ZNF287: variants seen among roughly 807,000 people sequenced by gnomAD.
The protein encoded by ZNF287 is zinc finger protein with KRAB and SCAN domains 13.
Under a neutral mutation model 73.7 loss-of-function variants are expected in ZNF287, and 31 were observed. The observed-to-expected ratio is 0.42, with a 90% CI of 0.32 to 0.57. ZNF287 has a LOEUF of 0.57. Ranked by LOEUF, ZNF287 falls within the 20% of genes least tolerant of loss-of-function variation. The pLI, the probability that ZNF287 is intolerant of heterozygous loss-of-function variation, is 0.13. For missense variants in ZNF287, 641 were observed against 909.3 expected (o/e 0.70, Z 3.79); for synonymous variants, 301 against 307.2 (o/e 0.98, Z 0.21).
At position 16,567,396 on chromosome 17, in the gene ZNF287, C is replaced by T. The variant is rs1907812565; in HGVS notation, c.336G>A (p.Gln112=). Residue 112 remains glutamine, a synonymous_variant, in exon 2 of 6, where the codon CAG becomes CAA. Transcript: ENST00000395825. ...CTGCTTCCTCGCTGCTCTCTGGATA[C>T]TGGGACTTTACCCAAGTCCTAACCT... The part of the protein sequence containing the change: ...PGEVRTWVKS[Q]YPESSEEAVT... 3 of 1,614,202 alleles carry T rather than the reference C, an allele frequency of 1.9e-6. No individual in the cohort carries two copies. Among genetic ancestry groups the T allele is most frequent in the Non-Finnish European group, 2.5e-6 (3 of 1,180,032 alleles).
intron 5 of ZNF287, 71 bp from the exon 6 acceptor site, chr17:16,553,497 G>T: frequency 2.5e-6 from 3 of 1,198,818 alleles, no homozygotes; most frequent in Non-Finnish European, 3.3e-6. Flanking sequence ...AGAAACAAAA[G>T]AATAAACATA....
Position 16,552,556 on chromosome 17 carries a change from A to G in ZNF287, c.1586T>C (p.Ile529Thr), listed in dbSNP as rs746480768. 6.2e-7 allele frequency: 1 copy of G among 1,614,068 alleles called. No individual in the cohort carries two copies. Among genetic ancestry groups the G allele is most frequent in the Non-Finnish European group, 8.5e-7 (1 of 1,179,982 alleles). The change falls in exon 6 of 6, where the codon ATA becomes ACA. Residue 529 changes from isoleucine (I) to threonine (T), a missense_variant. Physicochemically the swap from Ile to Thr is moderately conservative, Grantham distance 89. This residue lies in a region of ZNF287 where 284 missense variants were observed against 466.8 expected (regional missense o/e 0.61). Transcript: ENST00000395825. This position sits in a 1 kb window ranked among gnomAD's most constrained non-coding sequence, Gnocchi z 6.5. Reference protein sequence around the residue: ...QSTHLLQHQKIHTGKKPYKCN... With the variant: ...QSTHLLQHQKTHTGKKPYKCN... The stretch of plus-strand genomic sequence containing the variant: ...TTTATATGGTTTCTTCCCAGTATGT[A>G]TTTTTTGATGCTGAAGAAGGTGTGT...
chr17:16,564,775 CT>C (rs1183713211), intron 3 of ZNF287, among the ~76,000 whole-genome samples: 2 of 151,980 alleles, frequency 1.3e-5, no homozygotes, highest in Non-Finnish European at 2.9e-5. Flanking sequence ...TTACATGTTT[CT>C]TTTTTCTCTT....
rs1906683515 is a variant in ZNF287, at chr17:16,551,850, T to C, written c.*6A>G. On this transcript the variant is annotated 3_prime_UTR_variant, in exon 6 of 6. Transcript: ENST00000395825. ...TGTAAAACCGAATTGAAGTTTCCCT[T>C]ATCCATTAATTACGATGTTTGGCAC... The C allele has an allele frequency of 6.4e-6, 10 of 1,565,244 alleles. 1 individual carries two copies. In the South Asian group the frequency reaches 1.1e-4, roughly 17 times the overall value.
rs1030281108 is a variant in ZNF287 at position 16,548,140 on chromosome 17, G to A, written c.*3716C>T. On this transcript the variant is annotated 3_prime_UTR_variant, in exon 6 of 6. Transcript: ENST00000395825. The stretch of plus-strand genomic sequence containing the variant: ...ACAATGGATTCAGGCAACGATCACC[G>A]TTGGTTACTTTTTACCAGGTAAAAA... Among the ~76,000 whole-genome samples the A allele has an allele frequency of 2.0e-5, 3 of 152,160 alleles. No homozygotes were observed. The highest frequency in any genetic ancestry group is 2.9e-5 in the Non-Finnish European group (2 of 68,030).
chr17:16,566,604 A>G lies in ZNF287; in HGVS notation c.422T>C (p.Leu141Pro), dbSNP rs1907756422. ...LEEEAPQNSTLSQDTPEEDPR... is the reference protein window; with the variant it reads ...LEEEAPQNSTPSQDTPEEDPR... The stretch of plus-strand genomic sequence containing the variant: ...GTCTTCCTCTGGGGTATCTTGGGAA[A>G]GGGTAGAGTTTTGAGGAGCTAGAGA... The change falls in exon 3 of 6, where the codon CTT becomes CCT. Residue 141 changes from leucine to proline, a missense_variant. By Grantham distance (98) the Leu-to-Pro change is moderately conservative. This residue lies in a region of ZNF287 where 357 missense variants were observed against 442.4 expected (regional missense o/e 0.81). Coordinates refer to ENST00000395825, the MANE Select transcript of ZNF287 (RefSeq NM_020653.4). 6.2e-7 allele frequency: 1 copy of G among 1,612,560 alleles called. No homozygotes were observed. The highest frequency in any genetic ancestry group is 1.3e-5 in the African/African-American group (1 of 74,868).
chr17:16,565,573 C>T (rs1907696938), intron 3 of ZNF287, among the ~76,000 whole-genome samples: 1 of 152,072 alleles, frequency 6.6e-6, no homozygotes, highest in Admixed American at 6.5e-5. Flanking sequence ...AATGTTCACA[C>T]TATCAATGAA....
intron 5 of ZNF287, among the ~76,000 whole-genome samples, chr17:16,555,573 C>A (rs1418320838): frequency 1.3e-5 from 2 of 151,498 alleles, no homozygotes; most frequent in Non-Finnish European, 2.9e-5. Context: ...TGAAAGCATA[C>A]ACAGATGTGC....
rs895959565 is a variant in ZNF287 at position 16,552,535 on chromosome 17, TATG to T, written c.1604_1606del (p.Pro535_Tyr536delinsHis). The T allele has an allele frequency of 3.7e-6, 6 of 1,614,052 alleles. No homozygotes were observed. The highest frequency in any genetic ancestry group is 5.1e-6 in the Non-Finnish European group (6 of 1,180,010). ...CACTTTCCAACATTCATTGCATTTA[TATG>T]GTTTCTTCCCAGTATGTATTTTTTG... On this transcript the variant is annotated inframe_deletion, in exon 6 of 6. Coordinates refer to ENST00000395825, the MANE Select transcript of ZNF287 (RefSeq NM_020653.4). The surrounding 1 kb of genome is among the most constrained non-coding windows in gnomAD (Gnocchi z 6.5).
Position 16,547,124 on chromosome 17 carries a change from T to C in ZNF287, c.*4732A>G, listed in dbSNP as rs141506948. ...AGAATGAAACATAACAGCCTTAAAG[T>C]TTTAGAGACCAAATAAAGGTTTAGT... On this transcript the variant is annotated 3_prime_UTR_variant, in exon 6 of 6. Transcript: ENST00000395825. 6.4e-3 allele frequency among the ~76,000 whole-genome samples: 976 copies of C among 152,238 alleles called. 11 individuals are homozygous for C. Among genetic ancestry groups the C allele is most frequent in the African/African-American group, 0.022 (929 of 41,520 alleles).
At chr17:16,561,083 A>G (rs1392892454) in intron 5 of ZNF287, among the ~76,000 whole-genome samples, 1 of 152,170 alleles carries the variant, frequency 6.6e-6, no homozygotes, top group Non-Finnish European at 1.5e-5. Flanking sequence ...TGGGAGGCCA[A>G]GGCGGGTGGA....
In ZNF287 at chr17:16,547,453, A is replaced by T. The variant is rs771060025; in HGVS notation, c.*4403T>A. The stretch of plus-strand genomic sequence containing the variant: ...TTTGCTGCTTTCTAGCATACATAAC[A>T]TGGAAGTGTTCTCTCCAATTTAGGT... On this transcript the variant is annotated 3_prime_UTR_variant, in exon 6 of 6. Coordinates refer to ENST00000395825, the MANE Select transcript of ZNF287 (RefSeq NM_020653.4). 3.3e-5 allele frequency among the ~76,000 whole-genome samples: 5 copies of T among 152,194 alleles called. No homozygotes were observed. The highest frequency in any genetic ancestry group is 4.8e-5 in the African/African-American group (2 of 41,458).
intron 5 of ZNF287, among the ~76,000 whole-genome samples, chr17:16,560,958 C>T (rs1420956569): frequency 6.6e-6 from 1 of 150,880 alleles, no homozygotes; most frequent in East Asian, 2.0e-4. Context: ...AGCCAAGGTC[C>T]CCCCACTGCA....
chr17:16,566,617 G>C lies in ZNF287; in HGVS notation c.409C>G (p.Gln137Glu), dbSNP rs775621560. The change falls in exon 3 of 6, where the codon CAA (glutamine) becomes GAA (glutamate). Residue 137 changes from glutamine (Q) to glutamate (E), a missense_variant. This residue lies in a region of ZNF287 where 357 missense variants were observed against 442.4 expected (regional missense o/e 0.81). Transcript: ENST00000395825. ...LTQILEEEAP[Q>E]NSTLSQDTPE... ...GTATCTTGGGAAAGGGTAGAGTTTT[G>C]AGGAGCTAGAGAAGAGAAAGAGGTC... The C allele has an allele frequency of 6.2e-7, 1 of 1,610,962 alleles. No individual in the cohort carries two copies. The highest frequency in any genetic ancestry group is 8.5e-7 in the Non-Finnish European group (1 of 1,178,518).
Position 16,551,610 on chromosome 17 carries a change from C to A in ZNF287, c.*246G>T. 2.3e-6 allele frequency: 1 copy of A among 428,092 alleles called. No individual in the cohort carries two copies. Among genetic ancestry groups the A allele is most frequent in the Non-Finnish European group, 4.1e-6 (1 of 243,144 alleles). 26.5% of individuals were successfully genotyped at this position (428,092 alleles called of 1,614,324 possible). A position where few individuals can be genotyped will look rare whatever the true frequency, so the allele number is the denominator to read the frequency against. On this transcript the variant is annotated 3_prime_UTR_variant, in exon 6 of 6. Coordinates refer to ENST00000395825, the MANE Select transcript of ZNF287 (RefSeq NM_020653.4). ...GTTGATGAGTTATGTTTTTGAATAC[C>A]CTTCACAGGGTTTCTTTCTGTAATG...
intron 5 of ZNF287, among the ~76,000 whole-genome samples, chr17:16,553,685 G>C (rs1906852898): frequency 6.6e-6 from 1 of 152,186 alleles, no homozygotes; most frequent in South Asian, 2.1e-4. Flanking sequence ...ACAGAGCTAA[G>C]AGAAGTCAAA....
intron 2 of ZNF287, 104 bp from the exon 3 acceptor site, chr17:16,566,726 A>G: frequency 1.4e-6 from 1 of 733,772 alleles, no homozygotes; most frequent in Non-Finnish European, 2.2e-6. Flanking sequence ...GAGAAGTAAG[A>G]AGGAAATCAA....
chr17:16,567,869 A>G lies in ZNF287; in HGVS notation c.-138T>C. 2.8e-6 allele frequency: 4 copies of G among 1,447,458 alleles called. No individual in the cohort carries two copies. The highest frequency in any genetic ancestry group is 2.7e-6 in the Non-Finnish European group (3 of 1,105,518). The allele number at this position is 1,447,458 out of a possible 1,614,324, so 89.7% of individuals were successfully genotyped here. On this transcript the variant is annotated 5_prime_UTR_variant, in exon 2 of 6. Transcript: ENST00000395825. ...GCCGAGGGCAGAACAGAATCAAGGT[A>G]GAGTTAGCAGCCTTAGTGACAAATT...
chr17:16,556,021 A>G lies in ZNF287; in HGVS notation c.716-2595T>C, dbSNP rs544201133. Among the ~76,000 whole-genome samples the G allele has an allele frequency of 8.7e-5, 13 of 149,710 alleles. No homozygotes were observed. In the East Asian group the frequency reaches 2.3e-3, roughly 27 times the overall value. On this transcript the variant is annotated intron_variant, in intron 5 of 5. Coordinates refer to ENST00000395825, the MANE Select transcript of ZNF287 (RefSeq NM_020653.4). ...AGTTATTAATAGAATAAGGGATAAC[A>G]GAATATTGATAACTGATAGGTAGGT...
Sources: allele counts gnomAD v4.1 joint callset (sites outside exome capture counted in the v4.1 genomes callset), GRCh38; gene constraint gnomAD v4.1.1; regional missense constraint gnomAD v4.1.1; non-coding constraint Gnocchi (gnomAD v3.1); transcripts MANE v1.5; gene names NCBI Gene and HGNC (gene_info 2026-07-23, HGNC 2026-07-21).